ABCC10: variants seen among roughly 807,000 people sequenced by gnomAD.
ABCC10 encodes the protein ATP binding cassette subfamily C member 10.
Under a neutral mutation model 143.2 loss-of-function variants are expected in ABCC10, and 110 were observed. The observed-to-expected ratio is 0.77, with a 90% CI of 0.66 to 0.90. The LOEUF (loss-of-function observed/expected upper bound fraction) is 0.90, where lower values mean the gene tolerates loss of function less well. Among genes scored for constraint, ABCC10 ranks in the 40% least tolerant of loss-of-function variants. ABCC10 has a pLI of 0.00. For synonymous variants in ABCC10, 805 were observed against 846.7 expected (o/e 0.95, Z 0.85); for missense variants, 1,700 against 1,900.5 (o/e 0.89, Z 1.96).
Position 43,432,657 on chromosome 6 carries a change from A to G in ABCC10, c.677A>G (p.Tyr226Cys), listed in dbSNP as rs760732266. Residue 226 changes from tyrosine (Y) to cysteine (C), a missense_variant, in exon 3 of 22, where the codon TAT (tyrosine) becomes TGT (cysteine). Coordinates refer to ENST00000372530, the MANE Select transcript of ABCC10 (RefSeq NM_001198934.2). ...DGESWLSRFS[Y>C]AWLAPLLARG... is the part of the protein sequence containing the mutation. The stretch of plus-strand genomic sequence containing the variant: ...GAGAGTTGGCTGTCACGCTTTTCCT[A>G]TGCCTGGCTGGCACCCTTGCTGGCC... 24 of 1,613,772 alleles carry G rather than the reference A, an allele frequency of 1.5e-5. No homozygotes were observed. The highest frequency in any genetic ancestry group is 1.9e-5 in the Non-Finnish European group (23 of 1,179,976).
rs756147171 is a variant in ABCC10, at chr6:43,447,671, T to C, written c.3706-13T>C. On this transcript the variant is annotated splice_polypyrimidine_tract_variant and intron_variant, in intron 17 of 21. Coordinates refer to ENST00000372530, the MANE Select transcript of ABCC10 (RefSeq NM_001198934.2). ...CCTTTCCCCGTCTGTCTCCCACCCA[T>C]GGACCCCACCAGCTGGGCACCGGCT... is the stretch of plus-strand genomic sequence containing the variant. The C allele has an allele frequency of 2.5e-6, 4 of 1,613,594 alleles. No homozygotes were observed. The highest frequency in any genetic ancestry group is 3.4e-6 in the Non-Finnish European group (4 of 1,179,818).
intron 8 of ABCC10, among the ~76,000 whole-genome samples, chr6:43,439,348 C>T (rs1165241592): frequency 6.6e-6 from 1 of 152,076 alleles, no homozygotes; most frequent in African/African-American, 2.4e-5. Flanking sequence ...TTAACCTTGA[C>T]CATGGGGCAT....
downstream of ABCC10, chr6:43,451,783 G>A (rs1391017555): frequency 1.0e-6 from 1 of 966,944 alleles, no homozygotes; most frequent in African/African-American, 1.8e-5. This position sits in a 1 kb window ranked among gnomAD's most constrained non-coding sequence, Gnocchi z 4.4. Flanking sequence ...GAGAAACCCT[G>A]AACTAGGAAC....
chr6:43,447,378 G>GC lies in ABCC10; in HGVS notation c.3679dup (p.Gln1227ProfsTer122), dbSNP rs769975463. 1.2e-6 allele frequency: 2 copies of GC among 1,613,018 alleles called. No individual in the cohort carries two copies. The highest frequency in any genetic ancestry group is 1.7e-6 in the Non-Finnish European group (2 of 1,179,944). The stretch of plus-strand genomic sequence containing the variant: ...GGCTGGAAGAGTACACCTGTGACCT[G>GC]CCCCAGGAACCCCAGGGCCAGCCAC... On this transcript the variant is annotated frameshift_variant, in exon 17 of 22. Coordinates refer to ENST00000372530, the MANE Select transcript of ABCC10 (RefSeq NM_001198934.2). LOFTEE classifies it high-confidence loss of function.
chr6:43,432,711 C>T lies in ABCC10; in HGVS notation c.731C>T (p.Pro244Leu), dbSNP rs1158291426. 3 of 1,614,072 alleles carry T rather than the reference C, an allele frequency of 1.9e-6. No individual in the cohort carries two copies. The Admixed American group carries it at 5.0e-5, about 27-fold the overall frequency. The change falls in exon 3 of 22, where the codon CCT (proline) becomes CTT (leucine). Residue 244 changes from proline (P) to leucine (L), a missense_variant. Pro to Leu is a moderately conservative substitution (Grantham distance 98). Transcript: ENST00000372530. ...ARGACGELRQ[P>L]QDICRLPHRL... Reference sequence around the variant, plus strand: ...GGGGCCTGTGGAGAGCTCCGGCAGCCTCAGGACATTTGCCGCCTCCCCCAC... The same window carrying T: ...GGGGCCTGTGGAGAGCTCCGGCAGCTTCAGGACATTTGCCGCCTCCCCCAC...
At chr6:43,444,452 G>A (rs1782809076) in intron 12 of ABCC10, 99 bp downstream of exon 12, 1 of 1,374,670 alleles carries the variant, frequency 7.3e-7, no homozygotes, top group Admixed American at 2.7e-5. Context: ...GACTCACCAA[G>A]CATGGGTCAC....
intron 5 of ABCC10, 36 bp from the exon 6 acceptor site, chr6:43,436,102 G>T: frequency 1.2e-6 from 2 of 1,613,966 alleles, no homozygotes; most frequent in Non-Finnish European, 1.7e-6. Context: ...GATTGTGGTA[G>T]ATTAGGAGCC....
intron 21 of ABCC10, among the ~76,000 whole-genome samples, 165 bp downstream of exon 21, chr6:43,449,699 T>TAGGGCCCTTTATAGCACATTATCTG (rs1311138124): frequency 1.1e-4 from 17 of 150,912 alleles, no homozygotes; most frequent in African/African-American, 3.7e-4. Flanking sequence ...TAGCACTGCC[T>TAGGGCCCTTTATAGCACATTATCTG]AGGGCCCTTT....
chr6:43,449,724 GAGGGCCCTTTATAGCACTGCCT>G (rs780377689), intron 21 of ABCC10, among the ~76,000 whole-genome samples, 183 bp from the exon 22 acceptor site: 2 of 150,814 alleles, frequency 1.3e-5, no homozygotes, highest in Non-Finnish European at 2.9e-5. Flanking sequence ...CACATTATCT[GAGGGCCCTTTATAGCACTGCCT>G]AGGGCCCTTT....
At chr6:43,435,362 GTC>G (rs1329799978) in intron 4 of ABCC10, among the ~76,000 whole-genome samples, 1 of 152,108 alleles carries the variant, frequency 6.6e-6, no homozygotes, top group Non-Finnish European at 1.5e-5. Context: ...GTGAAACCTT[GTC>G]TCTACTAAAA....
At chr6:43,429,359 TTTCTTTTCTTTCTTGTGTG>T (rs1780854078) in intron 2 of ABCC10, among the ~76,000 whole-genome samples, 2 of 127,654 alleles carry the variant, frequency 1.6e-5, no homozygotes, top group African/African-American at 6.1e-5. Context: ...CTTTTCTTTC[TTTCTTTTCTTTCTTGTGTG>T]TGTGTGTGTG....
intron 14 of ABCC10, 61 bp from the exon 15 acceptor site, chr6:43,445,538 C>A: frequency 1.3e-6 from 2 of 1,532,078 alleles, no homozygotes; most frequent in Non-Finnish European, 1.8e-6. Flanking sequence ...TCCCCCAGTG[C>A]TGCCTGCCAA....
chr6:43,438,406 G>A (rs1379956968), intron 7 of ABCC10: 2 of 1,425,830 alleles, frequency 1.4e-6, no homozygotes, highest in Non-Finnish European at 1.8e-6. Context: ...TACAACAGCT[G>A]CTTGGCTGTA....
Position 43,427,646 on chromosome 6 carries a change from T to C in ABCC10, c.-123T>C, listed in dbSNP as rs1780651273. ...CGGCCGGGCAGTACTTTTTTTTTTT[T>C]TGCATACACCAGTTCTCAGGATATC... On this transcript the variant is annotated 5_prime_UTR_variant, in exon 1 of 22. Coordinates refer to ENST00000372530, the MANE Select transcript of ABCC10 (RefSeq NM_001198934.2). 1 of 381,318 alleles carries C rather than the reference T, an allele frequency of 2.6e-6. No individual in the cohort carries two copies. Among genetic ancestry groups the C allele is most frequent in the Non-Finnish European group, 4.9e-6 (1 of 204,924 alleles). The allele number at this position is 381,318 out of a possible 1,614,324, so 23.6% of individuals were successfully genotyped here.
intron 17 of ABCC10, 80 bp from the exon 18 acceptor site, chr6:43,447,601 CATT>C: frequency 6.3e-7 from 1 of 1,581,518 alleles, no homozygotes; most frequent in South Asian, 1.2e-5. Flanking sequence ...GTCCATTTCT[CATT>C]ATTCTCCCCT....
Position 43,450,375 on chromosome 6 carries a change from A to G in ABCC10, c.*284A>G. 1 of 1,033,682 alleles carries G rather than the reference A, an allele frequency of 9.7e-7. No individual in the cohort carries two copies. The highest frequency in any genetic ancestry group is 3.3e-5 in the Admixed American group (1 of 29,858). 64.0% of individuals were successfully genotyped at this position (1,033,682 alleles called of 1,614,324 possible). A position where few individuals can be genotyped will look rare whatever the true frequency, so the allele number is the denominator to read the frequency against. On this transcript the variant is annotated 3_prime_UTR_variant, in exon 22 of 22. Coordinates refer to ENST00000372530, the MANE Select transcript of ABCC10 (RefSeq NM_001198934.2). The surrounding 1 kb of genome is among the most constrained non-coding windows in gnomAD (Gnocchi z 4.5). ...ACTTGCATTTTCATAGTTTTATTTG[A>G]TAAAATTCCATCTTACATTCTGTGT...
chr6:43,434,048 A>G (rs2127386705), intron 3 of ABCC10, among the ~76,000 whole-genome samples: 1 of 152,380 alleles, frequency 6.6e-6, no homozygotes, highest in African/African-American at 2.4e-5. Context: ...ATAGATGGTT[A>G]TGGCATGAGG....
chr6:43,427,933 C>G (rs575147150), intron 1 of ABCC10, 35 bp from the exon 2 acceptor site: 3 of 1,607,226 alleles, frequency 1.9e-6, no homozygotes, highest in Non-Finnish European at 2.6e-6. Context: ...CCGGCTGTTA[C>G]CCTGCACAGC....
chr6:43,447,421 C>G lies in ABCC10; in HGVS notation c.3705+13C>G. 6.2e-7 allele frequency: 1 copy of G among 1,611,348 alleles called. No individual in the cohort carries two copies. Among genetic ancestry groups the G allele is most frequent in the Non-Finnish European group, 8.5e-7 (1 of 1,179,170 alleles). ...CCAGCCACTGCAGGTGGGCCTGTAC[C>G]CCCACCCCAGGCCAAAGCTCTGGAA... On this transcript the variant is annotated intron_variant, in intron 17 of 21. Transcript: ENST00000372530.
Sources: gnomAD v4.1 joint callset for allele counts (sites outside exome capture counted in the v4.1 genomes callset) on GRCh38, gnomAD v4.1.1 for gene constraint, Gnocchi (gnomAD v3.1) non-coding constraint, MANE v1.5 for transcripts, NCBI Gene and HGNC (gene_info 2026-07-23, HGNC 2026-07-21) for gene names.